LIME1: variants seen among roughly 807,000 people sequenced by gnomAD.
LIME1 encodes lck-interacting transmembrane adapter 1.
Under a neutral mutation model 18.8 loss-of-function variants are expected in LIME1, and 23 were observed. The ratio of observed to expected loss-of-function variants is 1.22; its 90% CI spans 0.88 to 1.73. LIME1 has a LOEUF of 1.73. LIME1 is among the 40% of genes most tolerant of loss of function. The pLI, the probability that LIME1 is intolerant of heterozygous loss-of-function variation, is 0.00. For synonymous variants in LIME1, 177 were observed against 182.3 expected, an observed-to-expected ratio of 0.97 and a Z score of 0.23; for missense variants, 423 against 396.8, an observed-to-expected ratio of 1.07 and a Z score of -0.56.
Position 63,737,546 on chromosome 20 carries a change from C to A in LIME1, c.-4C>A, listed in dbSNP as rs1435354268. 3.2e-6 allele frequency: 5 copies of A among 1,555,294 alleles called. No individual in the cohort carries two copies. Among genetic ancestry groups the A allele is most frequent in the Non-Finnish European group, 3.5e-6 (4 of 1,155,436 alleles). On this transcript the variant is annotated 5_prime_UTR_variant, in exon 2 of 6. Coordinates refer to ENST00000309546, the MANE Select transcript of LIME1 (RefSeq NM_017806.4). ...TTCTGTCCCCAGGGCCTCGGCTTCA[C>A]AGGATGGGGCTGCCAGTGTCCTGGG...
chr20:63,735,927 ACAAG>A, upstream of LIME1: 1 of 1,609,132 alleles, frequency 6.2e-7, no homozygotes, highest in South Asian at 1.1e-5. Context: ...TAGAGACCCC[ACAAG>A]CACTATGGAC....
chr20:63,737,654 C>T lies in LIME1; in HGVS notation c.98+7C>T, dbSNP rs1391469653. 9.5e-6 allele frequency: 15 copies of T among 1,571,422 alleles called. No homozygotes were observed. Among genetic ancestry groups the T allele is most frequent in the Non-Finnish European group, 1.2e-5 (14 of 1,161,352 alleles). ...TGTGCACAGCCTGCCGCAGGTAGGT[C>T]CCTCAGCCGCGTTCTGTCTGGGGCC... is the stretch of plus-strand genomic sequence containing the variant. On this transcript the variant is annotated splice_region_variant and intron_variant, in intron 2 of 5. Coordinates refer to ENST00000309546, the MANE Select transcript of LIME1 (RefSeq NM_017806.4).
rs768953868 is a variant in LIME1 at position 63,738,584 on chromosome 20, C to T, written c.586-14C>T. ...TGGTGCTGACCCCTCCTCGGGTTGGCTTCCTGTCTCCAGGTGGACGTCCTG... is the reference window on the plus strand; with the variant it reads ...TGGTGCTGACCCCTCCTCGGGTTGGTTTCCTGTCTCCAGGTGGACGTCCTG... On this transcript the variant is annotated splice_polypyrimidine_tract_variant and intron_variant, in intron 5 of 5. Coordinates refer to ENST00000309546, the MANE Select transcript of LIME1 (RefSeq NM_017806.4). 6.5e-7 allele frequency: 1 copy of T among 1,537,708 alleles called. No individual in the cohort carries two copies. Among genetic ancestry groups the T allele is most frequent in the East Asian group, 2.3e-5 (1 of 44,134 alleles).
chr20:63,738,822 C>T lies in LIME1; in HGVS notation c.810C>T (p.Cys270=), dbSNP rs971859599. 1.9e-6 allele frequency: 3 copies of T among 1,611,972 alleles called. No individual in the cohort carries two copies. Among genetic ancestry groups the T allele is most frequent in the South Asian group, 2.2e-5 (2 of 90,988 alleles). The change falls in exon 6 of 6, where the codon TGC becomes TGT. Residue 270 remains cysteine, a synonymous_variant. Coordinates refer to ENST00000309546, the MANE Select transcript of LIME1 (RefSeq NM_017806.4). ...ACCCTGCTGGCAGGAGCAGCACGTG[C>T]GGGGCTGGGACGCCCCCTGCTTCCA... is the stretch of plus-strand genomic sequence containing the variant. ...LGDPAGRSST[C]GAGTPPASSC...
At chr20:63,735,762 C>G, upstream of LIME1, 8 of 1,582,392 alleles carry the variant, frequency 5.1e-6, no homozygotes, top group Non-Finnish European at 6.0e-6. Context: ...CCCACGCTGA[C>G]TAGTGAGCCC....
At position 63,737,828 on chromosome 20, in the gene LIME1, G is replaced by A. The variant is rs578216847; in HGVS notation, c.106G>A (p.Asp36Asn). The change falls in exon 3 of 6, where the codon GAC (aspartate) becomes AAC (asparagine). Residue 36 changes from aspartate to asparagine, a missense_variant. By Grantham distance (23) the Asp-to-Asn change is conservative. Coordinates refer to ENST00000309546, the MANE Select transcript of LIME1 (RefSeq NM_017806.4). Reference protein sequence around the residue: ...ALCTACRRPEDAVAPRKRARR... With the variant: ...ALCTACRRPENAVAPRKRARR... ...CCCACCTCTACCCCCAAGGCCCGAGGACGCTGTAGCCCCCAGGAAGAGGGC... is the reference window on the plus strand; with the variant it reads ...CCCACCTCTACCCCCAAGGCCCGAGAACGCTGTAGCCCCCAGGAAGAGGGC... 1.6e-5 allele frequency: 24 copies of A among 1,519,352 alleles called. No homozygotes were observed. In the Admixed American group the frequency reaches 2.9e-4, roughly 18 times the overall value. The allele number at this position is 1,519,352 out of a possible 1,614,324, so 94.1% of individuals were successfully genotyped here. A position where few individuals can be genotyped will look rare whatever the true frequency, so the allele number is the denominator to read the frequency against.
chr20:63,737,759 G>T (rs1028747671), intron 2 of LIME1, 62 bp from the exon 3 acceptor site: 38 of 1,420,002 alleles, frequency 2.7e-5, no homozygotes, highest in Non-Finnish European at 3.3e-5. Flanking sequence ...ACGCGCGCCT[G>T]CACCGGGCCT....
At chr20:63,737,454 G>A (rs2092003439) in intron 1 of LIME1, 79 bp from the exon 2 acceptor site, 1 of 1,390,324 alleles carries the variant, frequency 7.2e-7, no homozygotes, top group Non-Finnish European at 9.3e-7. Context: ...CCGCAGCCGC[G>A]GGAGGTGCAG....
At position 63,737,561 on chromosome 20, in the gene LIME1, AG is replaced by A. The variant is rs1253938806; in HGVS notation, c.13del (p.Val5CysfsTer11). 1.3e-6 allele frequency: 2 copies of A among 1,587,598 alleles called. No individual in the cohort carries two copies. The highest frequency in any genetic ancestry group is 2.3e-5 in the South Asian group (2 of 87,532). On this transcript the variant is annotated frameshift_variant, in exon 2 of 6. Transcript: ENST00000309546. LOFTEE classifies it high-confidence loss of function. MGLP[V>X]SWAPPALWVL... ...CTCGGCTTCACAGGATGGGGCTGCC[AG>A]TGTCCTGGGCCCCTCCTGCCCTCTG...
chr20:63,737,132 C>T, intron 1 of LIME1: 12 of 997,884 alleles, frequency 1.2e-5, no homozygotes, highest in Non-Finnish European at 1.3e-5. Context: ...GGGGCACTAC[C>T]TGACACAGGA....
chr20:63,737,673 T>C (rs747869089), intron 2 of LIME1, 26 bp downstream of exon 2: 7 of 1,531,764 alleles, frequency 4.6e-6, no homozygotes, highest in Middle Eastern at 1.9e-4. Context: ...GCGTTCTGTC[T>C]GGGGCCTCGC....
In LIME1 at chr20:63,738,015, G is replaced by C. The variant is rs1431520701; in HGVS notation, c.223G>C (p.Asp75His). Residue 75 changes from aspartate to histidine, a missense_variant, in exon 4 of 6, where the codon GAC (aspartate) becomes CAC (histidine). Physicochemically the swap from Asp to His is moderately conservative, Grantham distance 81. Coordinates refer to ENST00000309546, the MANE Select transcript of LIME1 (RefSeq NM_017806.4). ...RTHLCSLSKS[D>H]TRLHELHRGP... ...CCACCTCTGCTCCCTCAGCAAGTCG[G>C]ACACCAGACTGCACGAGCTGCACCG... 33 of 1,568,612 alleles carry C rather than the reference G, an allele frequency of 2.1e-5. No homozygotes were observed.
At chr20:63,737,291 C>T in intron 1 of LIME1, 1 of 1,251,764 alleles carries the variant, frequency 8.0e-7, no homozygotes, top group Non-Finnish European at 1.0e-6. Context: ...TTACCGTGGT[C>T]ACCCGCAGGG....
rs1171699866 is a variant in LIME1 at position 63,738,669 on chromosome 20, C to A, written c.657C>A (p.Asp219Glu). ...RDPGPTTDPL[D>E]PKGQGAILAL... ...CAGGACCCACCACAGACCCGCTGGA[C>A]CCCAAGGGCCAGGGAGCGATTCTGG... is the stretch of plus-strand genomic sequence containing the variant. The change falls in exon 6 of 6, where the codon GAC becomes GAA. Residue 219 changes from aspartate to glutamate, a missense_variant. Coordinates refer to ENST00000309546, the MANE Select transcript of LIME1 (RefSeq NM_017806.4). The A allele has an allele frequency of 3.7e-5, 59 of 1,612,128 alleles. No individual in the cohort carries two copies. Among genetic ancestry groups the A allele is most frequent in the Non-Finnish European group, 4.8e-5 (57 of 1,179,524 alleles).
Position 63,736,730 on chromosome 20 carries a change from G to A in LIME1, c.-18+18G>A. The A allele has an allele frequency of 1.0e-6, 1 of 985,780 alleles. No individual in the cohort carries two copies. Among genetic ancestry groups the A allele is most frequent in the Non-Finnish European group, 1.2e-6 (1 of 830,216 alleles). 61.1% of individuals were successfully genotyped at this position (985,780 alleles called of 1,614,324 possible). On this transcript the variant is annotated intron_variant, in intron 1 of 5. Coordinates refer to ENST00000309546, the MANE Select transcript of LIME1 (RefSeq NM_017806.4). Reference sequence around the variant, plus strand: ...TGGGCTTGGTAAGTGCCCTCCTGGGGGGCAGCTGGGGTCTGGGAGGCCTTG... The same window carrying A: ...TGGGCTTGGTAAGTGCCCTCCTGGGAGGCAGCTGGGGTCTGGGAGGCCTTG...
chr20:63,737,622 TG>T lies in LIME1; in HGVS notation c.76del (p.Ala26ArgfsTer13). On this transcript the variant is annotated frameshift_variant, in exon 2 of 6. Coordinates refer to ENST00000309546, the MANE Select transcript of LIME1 (RefSeq NM_017806.4). LOFTEE classifies it high-confidence loss of function. ...GTGCTGCGCCCTGCTCCTCTCGCTG[TG>T]GGCGCTGTGCACAGCCTGCCGCAGG... The part of the protein sequence containing the change: ...LGCCALLLSL[W>X]ALCTACRRPE... 6.2e-7 allele frequency: 1 copy of T among 1,600,246 alleles called. No homozygotes were observed. Among genetic ancestry groups the T allele is most frequent in the Non-Finnish European group, 8.5e-7 (1 of 1,174,910 alleles).
At position 63,738,769 on chromosome 20, in the gene LIME1, G is replaced by A; in HGVS notation, c.757G>A (p.Val253Met). ...TGTGGACAGCGGCCCCCTGGAAAAC[G>A]TGTATGAGAGCATCCGGGAGCTGGG... ...LDVDSGPLEN[V>M]YESIRELGDP... The change falls in exon 6 of 6, where the codon GTG becomes ATG. Residue 253 changes from valine (V) to methionine (M), a missense_variant. Physicochemically the swap from Val to Met is conservative, Grantham distance 21 (BLOSUM62 1). Coordinates refer to ENST00000309546, the MANE Select transcript of LIME1 (RefSeq NM_017806.4). 6.2e-7 allele frequency: 1 copy of A among 1,613,036 alleles called. No homozygotes were observed. The highest frequency in any genetic ancestry group is 8.5e-7 in the Non-Finnish European group (1 of 1,179,952).
intron 1 of LIME1, chr20:63,736,920 G>C (rs1038753625): frequency 5.1e-6 from 5 of 985,614 alleles, no homozygotes; most frequent in Non-Finnish European, 6.0e-6. Flanking sequence ...GTTCTGCTAA[G>C]ATCCCCAAGA....
chr20:63,738,879 C>A lies in LIME1; in HGVS notation c.867C>A (p.Pro289=). ...CCAGCCTAGGGAGGGGCTGGAGACC[C>A]CTCCCTGCCTCCCTGCCCTGAACAC... ...SCPSLGRGWR[P]LPASLP Residue 289 remains proline (P), a synonymous_variant, in exon 6 of 6, where the codon CCC becomes CCA. Coordinates refer to ENST00000309546, the MANE Select transcript of LIME1 (RefSeq NM_017806.4). 1 of 1,604,164 alleles carries A rather than the reference C, an allele frequency of 6.2e-7. No homozygotes were observed. The highest frequency in any genetic ancestry group is 8.5e-7 in the Non-Finnish European group (1 of 1,175,812).
Sources: allele counts gnomAD v4.1 joint callset, GRCh38; gene constraint gnomAD v4.1.1; transcripts MANE v1.5; gene names NCBI Gene and HGNC (gene_info 2026-07-23, HGNC 2026-07-21).